The following SGCZ variants were observed in gnomAD, a reference collection of about 807,000 sequenced individuals.
SGCZ encodes zeta-sarcoglycan.
A neutral mutation model predicts 41.3 loss-of-function variants in SGCZ; 40 were observed. That is an observed-to-expected ratio of 0.97 (90% CI 0.75 to 1.26). The LOEUF is 1.26. SGCZ is among the 50% of genes most tolerant of loss of function. SGCZ has a pLI of 0.00. For synonymous variants in SGCZ, 206 were observed against 137.5 expected, an observed-to-expected ratio of 1.50 and a Z score of -3.49; for missense variants, 552 against 369.8, an observed-to-expected ratio of 1.49 and a Z score of -4.04.
At chr8:15,056,588 T>C (rs1333608244) in intron 1 of SGCZ, among the ~76,000 whole-genome samples, 1 of 152,068 alleles carries the variant, frequency 6.6e-6, no homozygotes, top group African/African-American at 2.4e-5. Flanking sequence ...AATGTAGATA[T>C]GAGGTGCCTA....
intron 1 of SGCZ, among the ~76,000 whole-genome samples, chr8:15,170,142 G>A (rs971627016): frequency 2.0e-5 from 3 of 149,562 alleles, no homozygotes; most frequent in African/African-American, 4.9e-5. Context: ...TTTTCCATGT[G>A]CAGACTGAAG....
intron 1 of SGCZ, among the ~76,000 whole-genome samples, chr8:14,577,636 C>T (rs1214626872): frequency 1.3e-5 from 2 of 152,122 alleles, no homozygotes; most frequent in South Asian, 4.1e-4. Context: ...GATCTGCCCG[C>T]CTCAGCCTCC....
At position 14,108,156 on chromosome 8, in the gene SGCZ, C is replaced by A. The variant is rs758640775; in HGVS notation, c.620+7G>T. On this transcript the variant is annotated splice_region_variant and intron_variant, in intron 6 of 7. Coordinates refer to ENST00000382080, the MANE Select transcript of SGCZ (RefSeq NM_139167.4). The stretch of plus-strand genomic sequence containing the variant: ...TTTATGCCACAGGTATAAGAGGAAG[C>A]CCTTACCTGAGATCTTGGGATGGCT... 6.2e-7 allele frequency: 1 copy of A among 1,613,794 alleles called. No homozygotes were observed. The highest frequency in any genetic ancestry group is 1.1e-5 in the South Asian group (1 of 91,050).
chr8:15,098,854 T>A (rs1232184439), intron 1 of SGCZ, among the ~76,000 whole-genome samples: 2 of 151,354 alleles, frequency 1.3e-5, no homozygotes, highest in Non-Finnish European at 2.9e-5. Context: ...AGGTCAGGAG[T>A]TCAAGACCAG....
intron 1 of SGCZ, among the ~76,000 whole-genome samples, chr8:14,682,358 G>A (rs1281739370): frequency 1.3e-5 from 2 of 152,152 alleles, no homozygotes; most frequent in South Asian, 2.1e-4. Context: ...CAATACATAT[G>A]TACAGATTAT....
intron 1 of SGCZ, among the ~76,000 whole-genome samples, chr8:15,064,448 A>T (rs1805049370): frequency 6.6e-6 from 1 of 152,062 alleles, no homozygotes; most frequent in African/African-American, 2.4e-5. Flanking sequence ...AGACAAACAA[A>T]GAAATTAAAC....
At chr8:14,846,701 TC>T (rs1803118902) in intron 1 of SGCZ, among the ~76,000 whole-genome samples, 6 of 102,042 alleles carry the variant, frequency 5.9e-5, no homozygotes, top group African/African-American at 2.1e-4. Context: ...ACCCTTTAAA[TC>T]CAAAAAAAAA....
intron 2 of SGCZ, among the ~76,000 whole-genome samples, chr8:14,515,062 C>T (rs1436555904): frequency 6.6e-6 from 1 of 151,826 alleles, no homozygotes; most frequent in Non-Finnish European, 1.5e-5. Context: ...GTGTAAATGT[C>T]AACTTTGCTC....
intron 1 of SGCZ, among the ~76,000 whole-genome samples, chr8:14,998,827 G>A (rs1045428807): frequency 1.1e-4 from 16 of 152,190 alleles, no homozygotes; most frequent in African/African-American, 3.6e-4. Flanking sequence ...TGAAAAGTAC[G>A]CCAAAGAAAA....
In SGCZ at chr8:14,086,476, T is replaced by A. The variant is rs1801525995; in HGVS notation, c.*3967A>T. On this transcript the variant is annotated 3_prime_UTR_variant, in exon 8 of 8. Coordinates refer to ENST00000382080, the MANE Select transcript of SGCZ (RefSeq NM_139167.4). ...CGATAGAATATGTAGGAATTTTGAA[T>A]GGAATAAAACAGTTCAGCAATTAAC... Among the ~76,000 whole-genome samples, 1 of 151,720 alleles carries A rather than the reference T, an allele frequency of 6.6e-6. No individual in the cohort carries two copies. The highest frequency in any genetic ancestry group is 1.5e-5 in the Non-Finnish European group (1 of 67,740).
Position 15,220,139 on chromosome 8 carries a change from T to A in SGCZ, c.39+17446A>T, listed in dbSNP as rs73667927. Among the ~76,000 whole-genome samples, 1,032 of 152,112 alleles carry A rather than the reference T, an allele frequency of 6.8e-3. 7 individuals are homozygous for A. The highest frequency in any genetic ancestry group is 0.024 in the African/African-American group (1,003 of 41,516). ...CAAGCACACTTAACAAATGAAATAA[T>A]AGAAAAAAAGCACTTTCCTCAACAT... On this transcript the variant is annotated intron_variant, in intron 1 of 7. Transcript: ENST00000382080.
At chr8:14,827,827 CATAAACACACATTA>C (rs1436293117) in intron 1 of SGCZ, among the ~76,000 whole-genome samples, 1 of 152,064 alleles carries the variant, frequency 6.6e-6, no homozygotes, top group African/African-American at 2.4e-5. Context: ...TACACATATA[CATAAACACACATTA>C]ATAAACACAC....
At chr8:14,797,939 G>C (rs192459299) in intron 1 of SGCZ, among the ~76,000 whole-genome samples, 6 of 152,308 alleles carry the variant, frequency 3.9e-5, no homozygotes, top group Middle Eastern at 3.4e-3. Context: ...GTCAAGAACT[G>C]AGATTTGGAA....
chr8:14,587,013 T>A (rs962661946), intron 1 of SGCZ, among the ~76,000 whole-genome samples: 2 of 150,034 alleles, frequency 1.3e-5, no homozygotes, highest in African/African-American at 2.5e-5. Context: ...AATATCCTTA[T>A]GTGTTTCTTA....
chr8:14,366,459 T>C (rs1341890562), intron 2 of SGCZ, among the ~76,000 whole-genome samples: 1 of 152,146 alleles, frequency 6.6e-6, no homozygotes, highest in East Asian at 1.9e-4. Context: ...ACCAGGTCTC[T>C]TTCTAAACAC....
At chr8:14,644,365 C>T (rs1398392783) in intron 1 of SGCZ, among the ~76,000 whole-genome samples, 4 of 151,762 alleles carry the variant, frequency 2.6e-5, no homozygotes, top group Non-Finnish European at 5.9e-5. Context: ...TCTAGAAATC[C>T]TGCTGACCTT....
chr8:14,188,388 C>G (rs923688979), intron 4 of SGCZ, among the ~76,000 whole-genome samples: 1 of 152,046 alleles, frequency 6.6e-6, no homozygotes, highest in Non-Finnish European at 1.5e-5. Context: ...AGCAGTGATA[C>G]GTACTGCAAC....
chr8:15,214,592 T>A lies in SGCZ; in HGVS notation c.39+22993A>T, dbSNP rs1436647974. Among the ~76,000 whole-genome samples the A allele has an allele frequency of 3.9e-5, 6 of 152,270 alleles. No homozygotes were observed. In the East Asian group the frequency reaches 9.6e-4, roughly 24 times the overall value. ...TGCTTCTTAGGTTTTGTCAGAATAT[T>A]TTGTCATGCTAGACATGCACATCTT... is the stretch of plus-strand genomic sequence containing the variant. On this transcript the variant is annotated intron_variant, in intron 1 of 7. Transcript: ENST00000382080.
intron 5 of SGCZ, among the ~76,000 whole-genome samples, chr8:14,128,103 T>C (rs566905383): frequency 8.5e-5 from 13 of 152,200 alleles, no homozygotes; most frequent in African/African-American, 2.9e-4. Context: ...TCTGGCGAGG[T>C]TGTGGAGAAA....
Sources: gnomAD v4.1 joint callset for allele counts (sites outside exome capture counted in the v4.1 genomes callset) on GRCh38, gnomAD v4.1.1 for gene constraint, MANE v1.5 for transcripts, NCBI Gene and HGNC (gene_info 2026-07-23, HGNC 2026-07-21) for gene names.